CALN1: variants seen among roughly 807,000 people sequenced by gnomAD.
The protein encoded by CALN1 is calneuron 1.
Under a neutral mutation model 30.6 loss-of-function variants are expected in CALN1, and 17 were observed. The ratio of observed to expected loss-of-function variants is 0.56; its 90% CI spans 0.38 to 0.83. The LOEUF is 0.83. CALN1 is among the 40% of genes least tolerant of loss of function. CALN1 has a pLI of 0.00. For synonymous variants in CALN1, 156 were observed against 131.4 expected, an observed-to-expected ratio of 1.19 and a Z score of -1.28; for missense variants, 291 against 354.9, an observed-to-expected ratio of 0.82 and a Z score of 1.45.
chr7:71,832,773 T>C (rs1485764100), intron 5 of CALN1, among the ~76,000 whole-genome samples: 1 of 151,948 alleles, frequency 6.6e-6, no homozygotes, highest in East Asian at 1.9e-4. Flanking sequence ...GCTAATTTTT[T>C]TTTTTTTTTT....
chr7:72,238,416 A>G (rs538094841), intron 3 of CALN1, among the ~76,000 whole-genome samples: 2 of 152,242 alleles, frequency 1.3e-5, no homozygotes, highest in African/African-American at 4.8e-5. Flanking sequence ...TTTAATGAGT[A>G]TAATTTATTA....
chr7:72,080,987 C>A (rs993976272), intron 4 of CALN1, among the ~76,000 whole-genome samples: 2 of 152,068 alleles, frequency 1.3e-5, no homozygotes, highest in Non-Finnish European at 2.9e-5. Flanking sequence ...TTCGCCTAAT[C>A]TGGAATTGGT....
chr7:72,401,979 G>T (rs531234991), intron 2 of CALN1, among the ~76,000 whole-genome samples: 13 of 152,298 alleles, frequency 8.5e-5, no homozygotes, highest in Admixed American at 2.6e-4. Flanking sequence ...AACCATGCCT[G>T]CCTTTGGTGG....
intron 2 of CALN1, among the ~76,000 whole-genome samples, chr7:72,329,125 CA>C (rs748453348): frequency 3.9e-5 from 6 of 152,238 alleles, no homozygotes; most frequent in Non-Finnish European, 8.8e-5. Flanking sequence ...CATTTATTTC[CA>C]TTGTTCTTCT....
intron 4 of CALN1, among the ~76,000 whole-genome samples, chr7:72,058,211 T>C (rs1051228432): frequency 1.3e-5 from 2 of 151,900 alleles, no homozygotes; most frequent in African/African-American, 2.4e-5. Flanking sequence ...GTAAGTGCAA[T>C]TGTTTCACCT....
At chr7:72,289,143 T>C (rs1798301557) in intron 2 of CALN1, among the ~76,000 whole-genome samples, 1 of 152,254 alleles carries the variant, frequency 6.6e-6, no homozygotes, top group African/African-American at 2.4e-5. Context: ...GAGAAATCTA[T>C]AGGTATACTT....
intron 2 of CALN1, among the ~76,000 whole-genome samples, chr7:72,398,653 A>G (rs774013879): frequency 2.0e-5 from 3 of 152,180 alleles, no homozygotes; most frequent in Non-Finnish European, 4.4e-5. Context: ...GACCTGTTCC[A>G]AAGAGCTCCC....
intron 3 of CALN1, among the ~76,000 whole-genome samples, chr7:72,273,501 CT>C (rs773609513): frequency 0.037 from 3,741 of 101,830 alleles, 143 homozygotes; most frequent in African/African-American, 0.13. Flanking sequence ...AGGCAAGATT[CT>C]TTTTTTTTTT....
intron 6 of CALN1, among the ~76,000 whole-genome samples, chr7:71,805,568 T>A (rs1267808669): frequency 6.6e-6 from 1 of 152,132 alleles, no homozygotes; most frequent in African/African-American, 2.4e-5. Flanking sequence ...TCTGCCCCGA[T>A]ACACCTTAGA....
At chr7:72,410,951 AAAT>A (rs1807090707) in intron 1 of CALN1, among the ~76,000 whole-genome samples, 1 of 145,068 alleles carries the variant, frequency 6.9e-6, no homozygotes, top group Admixed American at 7.6e-5. Flanking sequence ...ATGGGAAAAG[AAAT>A]AAAGTTATTT....
intron 5 of CALN1, among the ~76,000 whole-genome samples, chr7:71,946,299 T>C (rs999952178): frequency 6.6e-6 from 1 of 151,974 alleles, no homozygotes; most frequent in African/African-American, 2.4e-5. Context: ...CTTATAGAAA[T>C]AGTGACAATA....
chr7:72,172,675 A>C (rs1013882514), intron 3 of CALN1, among the ~76,000 whole-genome samples: 2 of 152,252 alleles, frequency 1.3e-5, no homozygotes, highest in African/African-American at 4.8e-5. Context: ...ACTTCAACTG[A>C]ATAAGTTGAA....
At chr7:72,170,918 A>G (rs1341032593) in intron 3 of CALN1, among the ~76,000 whole-genome samples, 4 of 152,166 alleles carry the variant, frequency 2.6e-5, no homozygotes, top group African/African-American at 9.7e-5. Context: ...ACAATTTGGG[A>G]GGCCAAGGCG....
At position 72,092,338 on chromosome 7, in the gene CALN1, C is replaced by G. The variant is rs115999909; in HGVS notation, c.388+13813G>C. ...GTTCTTTACGATTTAATTAGGTTGT[C>G]TTTGTAGCCTAATACATAGTCATGT... On this transcript the variant is annotated intron_variant, in intron 4 of 6. Transcript: ENST00000395275. 4.4e-3 allele frequency among the ~76,000 whole-genome samples: 670 copies of G among 152,090 alleles called. 3 individuals carry two copies. Among genetic ancestry groups the G allele is most frequent in the African/African-American group, 0.016 (649 of 41,486 alleles).
intron 5 of CALN1, among the ~76,000 whole-genome samples, chr7:71,992,321 G>A (rs912776502): frequency 6.6e-6 from 1 of 152,060 alleles, no homozygotes; most frequent in African/African-American, 2.4e-5. Context: ...AAATTCCTTT[G>A]TTTACTGCCT....
intron 4 of CALN1, among the ~76,000 whole-genome samples, chr7:72,093,445 C>G (rs963914749): frequency 6.6e-6 from 1 of 152,204 alleles, no homozygotes; most frequent in African/African-American, 2.4e-5. Context: ...TTGCTTGCCT[C>G]TAACCTTAAA....
intron 2 of CALN1, among the ~76,000 whole-genome samples, chr7:72,294,750 T>TAATAAATAAATAAATA (rs58274123): frequency 0.035 from 5,125 of 147,850 alleles, 243 homozygotes; most frequent in African/African-American, 0.1. Flanking sequence ...TCTAAAAAAG[T>TAATAAATAAATAAATA]AATAAATAAA....
intron 2 of CALN1, among the ~76,000 whole-genome samples, chr7:72,333,360 T>C (rs1481282009): frequency 1.3e-5 from 2 of 152,240 alleles, no homozygotes; most frequent in Non-Finnish European, 2.9e-5. Context: ...AAATGTTTGT[T>C]GAATGTTAAA....
At chr7:72,094,037 G>A (rs776202260) in intron 4 of CALN1, among the ~76,000 whole-genome samples, 38 of 152,100 alleles carry the variant, frequency 2.5e-4, no homozygotes, top group Admixed American at 1.0e-3. Flanking sequence ...CCTTGATAGG[G>A]GATGCCTATT....
Sources: gnomAD v4.1 joint callset for allele counts (sites outside exome capture counted in the v4.1 genomes callset) on GRCh38, gnomAD v4.1.1 for gene constraint, MANE v1.5 for transcripts, NCBI Gene and HGNC (gene_info 2026-07-23, HGNC 2026-07-21) for gene names.